The following CD1B variants were observed in gnomAD, a reference collection of about 807,000 sequenced individuals.
CD1B encodes the protein CD1b molecule.
CD1B carries 43 observed loss-of-function variants against 39.8 expected under a neutral mutation model. That is an observed-to-expected ratio of 1.08 (90% CI 0.85 to 1.39). CD1B has a LOEUF of 1.39. Among genes scored for constraint, CD1B ranks in the 40% most tolerant of loss-of-function variants. The probability of loss-of-function intolerance (pLI) is 0.00; values close to 1 mark genes in which losing one functional copy is unlikely to be tolerated. For missense variants in CD1B, 495 were observed against 403.8 expected (o/e 1.23, Z -1.94); for synonymous variants, 192 against 152.5 (o/e 1.26, Z -1.91).
At chr1:158,330,608 G>A (rs1207828355) in intron 2 of CD1B, 188 bp downstream of exon 2, 1 of 730,890 alleles carries the variant, frequency 1.4e-6, no homozygotes, top group Admixed American at 2.0e-5. Context: ...GAGTGCAGAG[G>A]CAGCAAGAAT....
At chr1:158,318,352 T>C in the CD1B span, among the ~76,000 whole-genome samples, 2 of 152,192 alleles carry the variant, frequency 1.3e-5, no homozygotes, top group African/African-American at 2.4e-5. Context: ...TGCTCCTGTA[T>C]TGGGTGCATA....
At chr1:158,316,978 T>C in the CD1B span, among the ~76,000 whole-genome samples, 1 of 151,494 alleles carries the variant, frequency 6.6e-6, no homozygotes, top group African/African-American at 2.4e-5. Context: ...TTGCGTATAT[T>C]GAACCAGCCT....
chr1:158,330,779 C>T lies in CD1B; in HGVS notation c.328+17G>A, dbSNP rs149238129. 98 of 1,613,240 alleles carry T rather than the reference C, an allele frequency of 6.1e-5. No homozygotes were observed. In the African/African-American group the frequency reaches 1.0e-3, roughly 17 times the overall value. ...AGAGTCCTTGAGACTCTTCCCAGTT[C>T]GGTGGACTAGACTCACATTTCATCT... On this transcript the variant is annotated intron_variant, in intron 2 of 5. Coordinates refer to ENST00000368168, the MANE Select transcript of CD1B (RefSeq NM_001764.3).
chr1:158,321,574 ATCCT>A, the CD1B span, among the ~76,000 whole-genome samples: 1 of 152,152 alleles, frequency 6.6e-6, no homozygotes, highest in African/African-American at 2.4e-5. Context: ...TATTTTGTAG[ATCCT>A]TCCTTCTTTT....
At chr1:158,308,603 A>C in the CD1B span, among the ~76,000 whole-genome samples, 2 of 152,222 alleles carry the variant, frequency 1.3e-5, no homozygotes, top group African/African-American at 4.8e-5. Context: ...ACAGTAACCA[A>C]AACAGCATGG....
At chr1:158,309,178 A>G in the CD1B span, among the ~76,000 whole-genome samples, 1 of 152,258 alleles carries the variant, frequency 6.6e-6, no homozygotes, top group Non-Finnish European at 1.5e-5. Flanking sequence ...AAAGGATATG[A>G]ACAGACACTT....
intron 2 of CD1B, 62 bp downstream of exon 2, chr1:158,330,732 CTT>C (rs1256356832): frequency 6.5e-7 from 1 of 1,528,758 alleles, no homozygotes; most frequent in African/African-American, 1.4e-5. Context: ...GAGAGCAACA[CTT>C]TGCAAAAAAG....
chr1:158,305,763 T>C, the CD1B span, among the ~76,000 whole-genome samples: 2 of 152,124 alleles, frequency 1.3e-5, no homozygotes, highest in African/African-American at 4.8e-5. Flanking sequence ...CAGAAGAGAG[T>C]GGGGGCCAAT....
At chr1:158,330,213 T>C (rs753174723) in intron 2 of CD1B, 83 bp from the exon 3 acceptor site, 265 of 1,285,516 alleles carry the variant, frequency 2.1e-4, no homozygotes, top group Non-Finnish European at 2.6e-4. Context: ...TTTTAGATTT[T>C]GGTGGGGATA....
chr1:158,330,914 A>C lies in CD1B; in HGVS notation c.210T>G (p.Pro70=). The C allele has an allele frequency of 6.2e-7, 1 of 1,614,120 alleles. No homozygotes were observed. Among genetic ancestry groups the C allele is most frequent in the Non-Finnish European group, 8.5e-7 (1 of 1,179,986 alleles). The change falls in exon 2 of 6, where the codon CCT becomes CCG. Residue 70 remains proline (P), a synonymous_variant. Coordinates refer to ENST00000368168, the MANE Select transcript of CD1B (RefSeq NM_001764.3). ...SDSGTAIFLK[P]WSKGNFSDKE... is the part of the protein sequence containing the mutation. ...TATCACTAAAGTTACCTTTAGACCA[A>C]GGCTTCAGGAATATGGCAGTGCCTG...
chr1:158,326,804 T>C (rs1652369830), downstream of CD1B, among the ~76,000 whole-genome samples: 1 of 151,890 alleles, frequency 6.6e-6, no homozygotes, highest in Non-Finnish European at 1.5e-5. Flanking sequence ...TTATTATTAT[T>C]ATTATTTTTG....
chr1:158,318,444 T>C, the CD1B span, among the ~76,000 whole-genome samples: 66 of 152,342 alleles, frequency 4.3e-4, no homozygotes, highest in Admixed American at 7.8e-4. Context: ...TTTTGATCTT[T>C]ATTAGTTTAA....
At chr1:158,325,161 T>A (rs1652308805), downstream of CD1B, among the ~76,000 whole-genome samples, 1 of 152,062 alleles carries the variant, frequency 6.6e-6, no homozygotes, top group Non-Finnish European at 1.5e-5. Flanking sequence ...AAGTGAAGAA[T>A]GTTTAATATA....
the CD1B span, chr1:158,292,678 CCCAAAGCCTGTTTGGGT>C: frequency 3.1e-6 from 5 of 1,613,982 alleles, no homozygotes; most frequent in Admixed American, 8.3e-5. Flanking sequence ...CCGGCTTCTA[CCCAAAGCCTGTTTGGGT>C]GACATGGATG....
the CD1B span, among the ~76,000 whole-genome samples, chr1:158,319,709 A>G: frequency 6.6e-6 from 1 of 152,208 alleles, no homozygotes; most frequent in Non-Finnish European, 1.5e-5. Flanking sequence ...CTGGTGAGGA[A>G]CTGCGTTCCT....
the CD1B span, among the ~76,000 whole-genome samples, chr1:158,287,283 G>GCACA: frequency 2.3e-4 from 34 of 149,164 alleles, no homozygotes; most frequent in African/African-American, 5.6e-4. Flanking sequence ...CATGGTGGGT[G>GCACA]CACACACACA....
chr1:158,331,251 G>A (rs1652591406), intron 1 of CD1B, 112 bp downstream of exon 1: 1 of 1,156,242 alleles, frequency 8.6e-7, no homozygotes, highest in Non-Finnish European at 1.3e-6. Flanking sequence ...AAGAGGGCGG[G>A]AGACAGAAAG....
At chr1:158,292,219 G>A in the CD1B span, 1 of 1,614,204 alleles carries the variant, frequency 6.2e-7, no homozygotes, top group Non-Finnish European at 8.5e-7. Context: ...TCTCCAGGCT[G>A]TGGAAGTTTG....
At chr1:158,309,731 A>T in the CD1B span, among the ~76,000 whole-genome samples, 1 of 151,908 alleles carries the variant, frequency 6.6e-6, no homozygotes, top group Non-Finnish European at 1.5e-5. Flanking sequence ...TATTGCAAGG[A>T]CAAAAAACAA....
Sources: allele counts gnomAD v4.1 joint callset (sites outside exome capture counted in the v4.1 genomes callset), GRCh38; gene constraint gnomAD v4.1.1; transcripts MANE v1.5; gene names NCBI Gene and HGNC (gene_info 2026-07-23, HGNC 2026-07-21).